Variants in ATG2A observed in about 807,000 individuals in gnomAD.
ATG2A encodes the protein autophagy related 2A.
ATG2A carries 103 observed loss-of-function variants against 214.2 expected under a neutral mutation model. The ratio of observed to expected loss-of-function variants is 0.48; its 90% CI spans 0.41 to 0.57. The LOEUF (loss-of-function observed/expected upper bound fraction) is 0.57, where lower values mean the gene tolerates loss of function less well. Among genes scored for constraint, ATG2A ranks in the 20% least tolerant of loss-of-function variants. The pLI is 0.00. For synonymous variants in ATG2A, 1,160 were observed against 1,142.1 expected, an observed-to-expected ratio of 1.02 and a Z score of -0.32; for missense variants, 2,312 against 2,613.2, an observed-to-expected ratio of 0.88 and a Z score of 2.51.
In ATG2A at chr11:64,899,884, A is replaced by T. The variant is rs1450672680; in HGVS notation, c.4464+610T>A. ...GCATTTTTTTTTTTTTTTGAAACAG[A>T]GTCTTACTCTGTTGCCCAGGCTGGA... is the stretch of plus-strand genomic sequence containing the variant. On this transcript the variant is annotated intron_variant, in intron 31 of 40. Transcript: ENST00000377264. Among the ~76,000 whole-genome samples, 5 of 148,854 alleles carry T rather than the reference A, an allele frequency of 3.4e-5. No homozygotes were observed. The East Asian group carries it at 7.9e-4, about 23-fold the overall frequency.
At chr11:64,914,001 G>C in intron 3 of ATG2A, 78 bp from the exon 4 acceptor site, 2 of 1,567,850 alleles carry the variant, frequency 1.3e-6, no homozygotes, top group South Asian at 1.2e-5. Context: ...GCACCAGGGT[G>C]GCCGTGCCGT....
chr11:64,896,631 C>T lies in ATG2A; in HGVS notation c.5273-15G>A, dbSNP rs374711871. ...GAACCCTTGGACTAGGGGGAAGGAG[C>T]GCTCAGAGACACCCGAGGCTGCCCT... On this transcript the variant is annotated splice_polypyrimidine_tract_variant and intron_variant, in intron 38 of 40. Coordinates refer to ENST00000377264, the MANE Select transcript of ATG2A (RefSeq NM_015104.3). 2.1e-5 allele frequency: 34 copies of T among 1,610,254 alleles called. No homozygotes were observed. Among genetic ancestry groups the T allele is most frequent in the East Asian group, 6.7e-5 (3 of 44,804 alleles).
chr11:64,913,740 C>G lies in ATG2A; in HGVS notation c.590+81G>C. On this transcript the variant is annotated intron_variant, in intron 4 of 40. Transcript: ENST00000377264. The surrounding 1 kb of genome is among the most constrained non-coding windows in gnomAD (Gnocchi z 4.3). ...GATCCACCCTGCCTCTTCCCAGGAA[C>G]CTAGGCTGCGGGTGGGGACCATCCA... is the stretch of plus-strand genomic sequence containing the variant. 1 of 1,406,832 alleles carries G rather than the reference C, an allele frequency of 7.1e-7. No homozygotes were observed. The highest frequency in any genetic ancestry group is 1.7e-5 in the Admixed American group (1 of 58,548). 87.1% of individuals were successfully genotyped at this position (1,406,832 alleles called of 1,614,324 possible).
In ATG2A at chr11:64,913,243, T is replaced by A. The variant is rs549611781; in HGVS notation, c.726+23A>T. On this transcript the variant is annotated intron_variant, in intron 5 of 40. Coordinates refer to ENST00000377264, the MANE Select transcript of ATG2A (RefSeq NM_015104.3). This position sits in a 1 kb window ranked among gnomAD's most constrained non-coding sequence, Gnocchi z 4.3. ...GGCTCAAGGGAGAGGAGACAGGGGC[T>A]GTGGGAATCAGAGCCCGCTCACCTG... 5 of 1,612,224 alleles carry A rather than the reference T, an allele frequency of 3.1e-6. 1 individual carries two copies. In the African/African-American group the frequency reaches 4.0e-5, roughly 13 times the overall value.
intron 22 of ATG2A, 108 bp from the exon 23 acceptor site, chr11:64,905,956 G>C: frequency 1.5e-6 from 2 of 1,375,458 alleles, no homozygotes; most frequent in Non-Finnish European, 2.0e-6. Flanking sequence ...CTGCCCACTA[G>C]CTGTCTGCCA....
At position 64,894,808 on chromosome 11, in the gene ATG2A, G is replaced by A; in HGVS notation, c.*165C>T. On this transcript the variant is annotated 3_prime_UTR_variant, in exon 41 of 41. Coordinates refer to ENST00000377264, the MANE Select transcript of ATG2A (RefSeq NM_015104.3). The stretch of plus-strand genomic sequence containing the variant: ...AGCCAGGGCTAAGGCCCCAAGGCAG[G>A]GAGGCCCCCCTCTCACAGCAGATTG... The A allele has an allele frequency of 1.1e-6, 1 of 878,800 alleles. No individual in the cohort carries two copies. 54.4% of individuals were successfully genotyped at this position (878,800 alleles called of 1,614,324 possible). A position where few individuals can be genotyped will look rare whatever the true frequency, so the allele number is the denominator to read the frequency against.
rs1359373176 is a variant in ATG2A at position 64,900,605 on chromosome 11, G to A, written c.4353C>T (p.Pro1451=). 6.2e-7 allele frequency: 1 copy of A among 1,611,370 alleles called. No homozygotes were observed. Among genetic ancestry groups the A allele is most frequent in the Admixed American group, 1.7e-5 (1 of 59,734 alleles). Residue 1451 remains proline, a synonymous_variant, in exon 31 of 41, where the codon CCC becomes CCT. Coordinates refer to ENST00000377264, the MANE Select transcript of ATG2A (RefSeq NM_015104.3). ...GHRARTGLSG[P]RSSPSRCSGP... is the part of the protein sequence containing the mutation. ...CAGAGCAGCGGGAAGGGGAGCTCCTGGGACCTGAGAGGCCAGTTCTTGCCC... is the reference window on the plus strand; with the variant it reads ...CAGAGCAGCGGGAAGGGGAGCTCCTAGGACCTGAGAGGCCAGTTCTTGCCC...
intron 31 of ATG2A, among the ~76,000 whole-genome samples, chr11:64,899,334 G>C (rs528036536): frequency 1.1e-4 from 16 of 152,214 alleles, no homozygotes; most frequent in African/African-American, 3.9e-4. Flanking sequence ...TTGCCTTCAG[G>C]ACTTTGCTCT....
At chr11:64,905,710 G>A (rs778515674) in intron 23 of ATG2A, 32 bp downstream of exon 23, 23 of 1,613,454 alleles carry the variant, frequency 1.4e-5, no homozygotes, top group African/African-American at 6.7e-5. Flanking sequence ...GCCCATCCCC[G>A]TCCCCAGCCC....
Position 64,903,080 on chromosome 11 carries a change from C to T in ATG2A, c.3612+208G>A, listed in dbSNP as rs1944416615. ...CGTCCTCTGGTGGCAGGGCTGAAAC[C>T]CATTCATTCATTCAGCCAGCATCAA... On this transcript the variant is annotated intron_variant, in intron 26 of 40. Coordinates refer to ENST00000377264, the MANE Select transcript of ATG2A (RefSeq NM_015104.3). This position sits in a 1 kb window ranked among gnomAD's most constrained non-coding sequence, Gnocchi z 4.2. Among the ~76,000 whole-genome samples, 3 of 152,156 alleles carry T rather than the reference C, an allele frequency of 2.0e-5. No individual in the cohort carries two copies. The highest frequency in any genetic ancestry group is 1.3e-4 in the Admixed American group (2 of 15,292).
rs781510819 is a variant in ATG2A, at chr11:64,912,697, G to A, written c.826-274C>T. The stretch of plus-strand genomic sequence containing the variant: ...CAACCTCTGCCTCCTGGGTTCAAGC[G>A]ATTCTCCCGCCTCAGCCTCCCAAGA... On this transcript the variant is annotated intron_variant, in intron 6 of 40. Coordinates refer to ENST00000377264, the MANE Select transcript of ATG2A (RefSeq NM_015104.3). 1.1e-5 allele frequency: 5 copies of A among 456,184 alleles called. No homozygotes were observed. In the Admixed American group the frequency reaches 1.2e-4, roughly 11 times the overall value. 28.3% of individuals were successfully genotyped at this position (456,184 alleles called of 1,614,324 possible).
At chr11:64,896,046 A>G (rs532941672) in intron 39 of ATG2A, among the ~76,000 whole-genome samples, 1 of 152,276 alleles carries the variant, frequency 6.6e-6, no homozygotes, top group Non-Finnish European at 1.5e-5. Flanking sequence ...TACAGAATTC[A>G]TCTGACAACT....
At position 64,914,063 on chromosome 11, in the gene ATG2A, C is replaced by G; in HGVS notation, c.487+18G>C. The G allele has an allele frequency of 6.5e-7, 1 of 1,535,518 alleles. No individual in the cohort carries two copies. The highest frequency in any genetic ancestry group is 8.8e-7 in the Non-Finnish European group (1 of 1,137,238). On this transcript the variant is annotated intron_variant, in intron 3 of 40. Transcript: ENST00000377264. ...ACTGAAGGGCAGGAGACAGGGCGGCCAGGAGGGGCCTGCTCACCAGTCTCA... is the reference window on the plus strand; with the variant it reads ...ACTGAAGGGCAGGAGACAGGGCGGCGAGGAGGGGCCTGCTCACCAGTCTCA...
At chr11:64,899,449 T>C (rs1944274935) in intron 31 of ATG2A, among the ~76,000 whole-genome samples, 1 of 152,038 alleles carries the variant, frequency 6.6e-6, no homozygotes, top group Non-Finnish European at 1.5e-5. Flanking sequence ...CTGACACTCA[T>C]CTCCCGCAGG....
chr11:64,907,305 T>C lies in ATG2A; in HGVS notation c.2782A>G (p.Thr928Ala), dbSNP rs746871416. The change falls in exon 19 of 41, where the codon ACA becomes GCA. Residue 928 changes from threonine to alanine, a missense_variant. Coordinates refer to ENST00000377264, the MANE Select transcript of ATG2A (RefSeq NM_015104.3). ...PSLHLQSTFS[T>A]LVTVLKGRIT... The stretch of plus-strand genomic sequence containing the variant: ...CGCCCCTTCAGCACTGTCACCAGTG[T>C]AGAGAAGGTGCTCTGCAAGTGAAGA... 1 of 1,551,292 alleles carries C rather than the reference T, an allele frequency of 6.4e-7. No homozygotes were observed. The highest frequency in any genetic ancestry group is 8.7e-7 in the Non-Finnish European group (1 of 1,147,310).
Position 64,912,109 on chromosome 11 carries a change from G to C in ATG2A, c.1063C>G (p.Pro355Ala), listed in dbSNP as rs1944795919. Residue 355 changes from proline to alanine, a missense_variant, in exon 8 of 41, where the codon CCC becomes GCC. Pro to Ala is a conservative substitution (Grantham distance 27, BLOSUM62 -1). Transcript: ENST00000377264. ...EPLSPDPLTN[P>A]LLNLDNTDLF... ...CCAGTGTTATCCAGGTTGAGAAGGG[G>C]GTTGGTAAGGGGGTCTGGGCTGAGG... The C allele has an allele frequency of 6.2e-7, 1 of 1,613,698 alleles. No individual in the cohort carries two copies. Among genetic ancestry groups the C allele is most frequent in the African/African-American group, 1.3e-5 (1 of 75,056 alleles).
chr11:64,914,927 G>A (rs369406557), intron 1 of ATG2A, among the ~76,000 whole-genome samples: 2 of 151,492 alleles, frequency 1.3e-5, no homozygotes, highest in East Asian at 1.9e-4. Flanking sequence ...TGGGGAAGAC[G>A]CCTAACCCAG....
At position 64,914,375 on chromosome 11, in the gene ATG2A, G is replaced by A. The variant is rs545692346; in HGVS notation, c.297C>T (p.Ser99=). The change falls in exon 2 of 41, where the codon TCC becomes TCT. Residue 99 remains serine (S), a synonymous_variant. Coordinates refer to ENST00000377264, the MANE Select transcript of ATG2A (RefSeq NM_015104.3). ...LLTDHCTVRV[S]GLQLTLQPRR... ...GGGGCTGCAAGGTGAGCTGGAGGCC[G>A]GACACGCGCACTGTGCAGTGGTCGG... The A allele has an allele frequency of 9.9e-6, 16 of 1,610,014 alleles. No individual in the cohort carries two copies. In the East Asian group the frequency reaches 2.0e-4, roughly 20 times the overall value.
intron 16 of ATG2A, among the ~76,000 whole-genome samples, chr11:64,908,109 A>G (rs755552168): frequency 1.1e-4 from 17 of 152,204 alleles, no homozygotes; most frequent in Admixed American, 2.0e-4. Flanking sequence ...CATCCTCACA[A>G]CAGGCCTGTG....
Sources: allele counts gnomAD v4.1 joint callset (sites outside exome capture counted in the v4.1 genomes callset), GRCh38; gene constraint gnomAD v4.1.1; non-coding constraint Gnocchi (gnomAD v3.1); transcripts MANE v1.5; gene names NCBI Gene and HGNC (gene_info 2026-07-23, HGNC 2026-07-21).